Variants in TTC39B observed in about 807,000 individuals in gnomAD.
The protein encoded by TTC39B is tetratricopeptide repeat domain 39B.
In TTC39B, 92 loss-of-function variants were observed where a neutral mutation model predicts 96.6. The ratio of observed to expected loss-of-function variants is 0.95; its 90% CI spans 0.80 to 1.13. The LOEUF (loss-of-function observed/expected upper bound fraction) is 1.13, where lower values mean the gene tolerates loss of function less well. TTC39B is among the 50% of genes most tolerant of loss of function. TTC39B has a pLI of 0.00. For missense variants in TTC39B, 955 were observed against 809.3 expected, an observed-to-expected ratio of 1.18 and a Z score of -2.18; for synonymous variants, 367 against 299.4, an observed-to-expected ratio of 1.23 and a Z score of -2.33.
At chr9:15,246,033 C>A (rs1395249070) in intron 2 of TTC39B, among the ~76,000 whole-genome samples, 1 of 152,152 alleles carries the variant, frequency 6.6e-6, no homozygotes, top group Non-Finnish European at 1.5e-5. Context: ...GCGGGCAGAT[C>A]ACCTGAGGTC....
At chr9:15,241,742 CTTTTTT>C (rs5896669) in intron 2 of TTC39B, among the ~76,000 whole-genome samples, 1 of 129,146 alleles carries the variant, frequency 7.7e-6, no homozygotes, top group African/African-American at 2.9e-5. Flanking sequence ...TTAATTAACT[CTTTTTT>C]TTTTTTTTTT....
At chr9:15,190,411 T>C (rs1818787885) in intron 11 of TTC39B, 143 bp downstream of exon 11, 1 of 642,124 alleles carries the variant, frequency 1.6e-6, no homozygotes, top group Admixed American at 2.5e-5. Flanking sequence ...AGTGACGTGA[T>C]CATAGCTCAC....
intron 7 of TTC39B, among the ~76,000 whole-genome samples, chr9:15,201,947 G>A (rs539377954): frequency 1.3e-5 from 2 of 152,224 alleles, no homozygotes; most frequent in Admixed American, 1.3e-4. Context: ...TGCAGAATAG[G>A]GAATGAGCTG....
chr9:15,199,922 C>T, exon 8 of TTC39B: 2 of 1,536,936 alleles, frequency 1.3e-6, no homozygotes, highest in South Asian at 1.2e-5. Flanking sequence ...ATCATATTTT[C>T]ATCCTGAAAA....
exon 9 of TTC39B, chr9:15,192,688 G>A (rs1818926695): frequency 6.2e-7 from 1 of 1,612,994 alleles, no homozygotes; most frequent in Non-Finnish European, 8.5e-7. Context: ...AGGATAGAAA[G>A]ACATTCTCTG....
At chr9:15,254,123 C>A (rs2131515076) in intron 2 of TTC39B, among the ~76,000 whole-genome samples, 1 of 151,746 alleles carries the variant, frequency 6.6e-6, no homozygotes, top group South Asian at 2.1e-4. Flanking sequence ...TCAATAAAGG[C>A]TTGTTAAACC....
At chr9:15,189,501 G>T in intron 13 of TTC39B, 73 bp downstream of exon 13, 1 of 1,507,784 alleles carries the variant, frequency 6.6e-7, no homozygotes, top group East Asian at 2.3e-5. Flanking sequence ...TGTTGAATAA[G>T]TAGGTCACAG....
At chr9:15,176,970 A>G (rs1032458611) in intron 18 of TTC39B, among the ~76,000 whole-genome samples, 3 of 152,178 alleles carry the variant, frequency 2.0e-5, no homozygotes, top group East Asian at 3.8e-4. Flanking sequence ...ACAAAACTCA[A>G]TTATATACAG....
At chr9:15,169,806 CT>C (rs1250779814) in exon 20 of TTC39B, 2 of 152,002 alleles carry the variant, frequency 1.3e-5, no homozygotes, top group Non-Finnish European at 2.9e-5. Flanking sequence ...AGATGAATTT[CT>C]TTTATATTTG....
chr9:15,218,424 T>C (rs182356423), intron 3 of TTC39B, among the ~76,000 whole-genome samples: 4 of 152,138 alleles, frequency 2.6e-5, no homozygotes, highest in Non-Finnish European at 4.4e-5. Flanking sequence ...TGAGTGTGTT[T>C]TGTGAACTTT....
intron 1 of TTC39B, among the ~76,000 whole-genome samples, chr9:15,303,404 T>C (rs1051167263): frequency 2.7e-5 from 4 of 146,524 alleles, no homozygotes; most frequent in African/African-American, 1.0e-4. Flanking sequence ...TGAAACGGGG[T>C]CTGTCACCCA....
At chr9:15,231,417 G>A (rs547631151) in intron 2 of TTC39B, among the ~76,000 whole-genome samples, 1 of 152,304 alleles carries the variant, frequency 6.6e-6, no homozygotes, top group South Asian at 2.1e-4. Context: ...GTATCTCACT[G>A]TAGTTTTTGG....
intron 2 of TTC39B, among the ~76,000 whole-genome samples, chr9:15,246,942 T>C (rs908019956): frequency 6.6e-6 from 1 of 152,270 alleles, no homozygotes; most frequent in South Asian, 2.1e-4. Flanking sequence ...GGTGATTTGT[T>C]ACACAGCTAT....
At chr9:15,188,739 T>C (rs1818683298) in intron 13 of TTC39B, among the ~76,000 whole-genome samples, 1 of 152,116 alleles carries the variant, frequency 6.6e-6, no homozygotes, top group Admixed American at 6.6e-5. Context: ...AAAATATTTT[T>C]ATATGTTTAC....
At chr9:15,297,805 G>T (rs757247427) in intron 1 of TTC39B, among the ~76,000 whole-genome samples, 8 of 151,768 alleles carry the variant, frequency 5.3e-5, no homozygotes, top group Non-Finnish European at 8.8e-5. Context: ...ACTGAAACCC[G>T]CAGATGCACA....
At chr9:15,287,309 A>G (rs1824008332) in intron 1 of TTC39B, among the ~76,000 whole-genome samples, 1 of 152,234 alleles carries the variant, frequency 6.6e-6, no homozygotes, top group African/African-American at 2.4e-5. Flanking sequence ...GACATCTGAC[A>G]AAGCTGAATG....
chr9:15,200,027 C>T, intron 7 of TTC39B, 102 bp from the exon 8 acceptor site: 1 of 594,630 alleles, frequency 1.7e-6, no homozygotes, highest in Non-Finnish European at 2.8e-6. Context: ...AACAAACAAA[C>T]AAAAAAAAGT....
chr9:15,285,276 A>G (rs1163145076), intron 1 of TTC39B, among the ~76,000 whole-genome samples: 2 of 149,710 alleles, frequency 1.3e-5, no homozygotes, highest in Non-Finnish European at 3.0e-5. Flanking sequence ...CTCAAAAAGA[A>G]AAAAAAAAAA....
At chr9:15,267,622 A>C (rs1823182462) in intron 2 of TTC39B, among the ~76,000 whole-genome samples, 1 of 152,244 alleles carries the variant, frequency 6.6e-6, no homozygotes, top group African/African-American at 2.4e-5. Context: ...CTACAAAATG[A>C]GACTGACATA....
Sources: allele counts gnomAD v4.1 joint callset (sites outside exome capture counted in the v4.1 genomes callset), GRCh38; gene constraint gnomAD v4.1.1; transcripts MANE v1.5; gene names NCBI Gene and HGNC (gene_info 2026-07-23, HGNC 2026-07-21).